LPP: variants seen among roughly 807,000 people sequenced by gnomAD.
The protein encoded by LPP is LIM domain containing preferred translocation partner in lipoma, also known as lipoma-preferred partner.
LPP carries 38 observed loss-of-function variants against 60.4 expected under a neutral mutation model. The ratio of observed to expected loss-of-function variants is 0.63; its 90% CI spans 0.49 to 0.83. The LOEUF (loss-of-function observed/expected upper bound fraction) is 0.83. LPP is among the 40% of genes least tolerant of loss of function. The pLI, the probability that LPP is intolerant of heterozygous loss-of-function variation, is 0.00. For synonymous variants in LPP, 328 were observed against 290.8 expected, an observed-to-expected ratio of 1.13 and a Z score of -1.30; for missense variants, 902 against 783.6, an observed-to-expected ratio of 1.15 and a Z score of -1.80.
At chr3:188,536,195 G>A (rs1823567357) in intron 6 of LPP, among the ~76,000 whole-genome samples, 1 of 152,034 alleles carries the variant, frequency 6.6e-6, no homozygotes, top group Non-Finnish European at 1.5e-5. Context: ...TTTTAGTAGA[G>A]ACAGGTTTTC....
intron 7 of LPP, among the ~76,000 whole-genome samples, chr3:188,617,193 C>T (rs926531619): frequency 2.6e-5 from 4 of 152,124 alleles, no homozygotes; most frequent in East Asian, 1.9e-4. Context: ...CCTACGTAAA[C>T]CATCAGACAT....
intron 4 of LPP, among the ~76,000 whole-genome samples, chr3:188,429,142 G>A (rs1486533727): frequency 2.0e-5 from 3 of 152,076 alleles, no homozygotes; most frequent in Non-Finnish European, 2.9e-5. Context: ...AATGTGTAAC[G>A]TATGGTTAAG....
chr3:188,483,451 C>G (rs527590377), intron 4 of LPP, among the ~76,000 whole-genome samples: 1 of 152,280 alleles, frequency 6.6e-6, no homozygotes, highest in Admixed American at 6.5e-5. Context: ...CAAGGAAAGG[C>G]TACTCCTCCA....
At chr3:188,704,383 C>T (rs1865064944) in intron 7 of LPP, among the ~76,000 whole-genome samples, 1 of 152,106 alleles carries the variant, frequency 6.6e-6, no homozygotes, top group Non-Finnish European at 1.5e-5. Context: ...CTGTGAGGTA[C>T]CACTGGCAAG....
intron 2 of LPP, among the ~76,000 whole-genome samples, chr3:188,276,923 G>A (rs1250082192): frequency 2.4e-5 from 2 of 83,178 alleles, no homozygotes; most frequent in Admixed American, 1.5e-4. Context: ...TTTTTTTGGA[G>A]AGACAGGTCT....
chr3:188,713,179 G>A (rs1335732692), intron 8 of LPP, among the ~76,000 whole-genome samples: 1 of 152,188 alleles, frequency 6.6e-6, no homozygotes, highest in Non-Finnish European at 1.5e-5. Flanking sequence ...TAGGAAGTCT[G>A]CAGCATCGTC....
intron 4 of LPP, among the ~76,000 whole-genome samples, chr3:188,466,962 A>G (rs986138840): frequency 2.7e-4 from 40 of 146,000 alleles, no homozygotes; most frequent in African/African-American, 9.8e-4. Context: ...ATCATTGCAA[A>G]AACTCTGCAC....
chr3:188,253,850 A>G (rs942797848), intron 2 of LPP, among the ~76,000 whole-genome samples: 1 of 152,204 alleles, frequency 6.6e-6, no homozygotes, highest in Non-Finnish European at 1.5e-5. Flanking sequence ...ATGGGGCTGC[A>G]TAAATTTTCT....
At chr3:188,539,758 C>G (rs900920196) in intron 6 of LPP, among the ~76,000 whole-genome samples, 1 of 152,100 alleles carries the variant, frequency 6.6e-6, no homozygotes, top group East Asian at 1.9e-4. Context: ...TACTGTTGGT[C>G]TCACCACCAA....
intron 4 of LPP, chr3:188,472,596 A>G (rs1802119859): frequency 6.6e-6 from 1 of 152,212 alleles, no homozygotes; most frequent in Non-Finnish European, 1.5e-5. Context: ...ATTTGTGCAT[A>G]AAAGATGAAT....
chr3:188,844,463 A>G (rs567257973), intron 9 of LPP, among the ~76,000 whole-genome samples: 65 of 152,234 alleles, frequency 4.3e-4, no homozygotes, highest in Admixed American at 9.8e-4. Context: ...AAACTGCTTC[A>G]CTTTACAAAA....
At chr3:188,385,190 C>G (rs954811144) in intron 3 of LPP, among the ~76,000 whole-genome samples, 1 of 152,108 alleles carries the variant, frequency 6.6e-6, no homozygotes, top group Non-Finnish European at 1.5e-5. Context: ...AACCCCTCAC[C>G]TTCCCATAGT....
intron 6 of LPP, among the ~76,000 whole-genome samples, chr3:188,585,259 T>G (rs1837182922): frequency 6.6e-6 from 1 of 152,222 alleles, no homozygotes; most frequent in Non-Finnish European, 1.5e-5. Context: ...ATGCCTTGTT[T>G]TTATAAGAAG....
chr3:188,213,883 A>G (rs1298277344), intron 1 of LPP, among the ~76,000 whole-genome samples: 1 of 151,338 alleles, frequency 6.6e-6, no homozygotes, highest in Non-Finnish European at 1.5e-5. Flanking sequence ...CTGAGCCTCT[A>G]CCACTATTCT....
At position 188,609,030 on chromosome 3, in the gene LPP, CTTAT is replaced by C. The variant is rs1284495878; in HGVS notation, c.430-128_430-125del. On this transcript the variant is annotated intron_variant, in intron 6 of 11. Transcript: ENST00000617246. The surrounding 1 kb of genome is among the most constrained non-coding windows in gnomAD (Gnocchi z 6.9). ...GAACACTTTGAAGGCAAGATTATGCCTTATTTGTGTTCTACATAGTAATAAATAA... is the reference window on the plus strand; with the variant it reads ...GAACACTTTGAAGGCAAGATTATGCCTTGTGTTCTACATAGTAATAAATAA... 3.7e-5 allele frequency: 27 copies of C among 734,156 alleles called. No individual in the cohort carries two copies. Among genetic ancestry groups the C allele is most frequent in the African/African-American group, 1.1e-4 (6 of 55,970 alleles). The allele number at this position is 734,156 out of a possible 1,614,324, so 45.5% of individuals were successfully genotyped here. A position where few individuals can be genotyped will look rare whatever the true frequency, so the allele number is the denominator to read the frequency against.
At chr3:188,789,132 A>G (rs954213885) in intron 9 of LPP, among the ~76,000 whole-genome samples, 4 of 151,990 alleles carry the variant, frequency 2.6e-5, no homozygotes, top group African/African-American at 9.7e-5. Context: ...TTTTTAATTA[A>G]GGTATGTACA....
chr3:188,766,872 A>C lies in LPP; in HGVS notation c.1410+6590A>C, dbSNP rs145464297. On this transcript the variant is annotated intron_variant, in intron 9 of 11. Coordinates refer to ENST00000617246, the MANE Select transcript of LPP (RefSeq NM_001375462.1). ...TTTACCTGTGGGTATGGAAGGATGT[A>C]TACAAATGTAACCACACATCTGTAT... Among the ~76,000 whole-genome samples the C allele has an allele frequency of 4.1e-3, 631 of 152,332 alleles. 4 individuals are homozygous for C. The highest frequency in any genetic ancestry group is 0.014 in the African/African-American group (592 of 41,574).
rs57026715 is a variant in LPP at position 188,603,023 on chromosome 3, A to AAATAATAATAATAAT, written c.430-6110_430-6096dup. Reference sequence around the variant, plus strand: ...GTTTTATTTCTCTTCCTTGTGTTTGAAATAATAATAATAATAATAATAATA... The same window carrying AAATAATAATAATAAT: ...GTTTTATTTCTCTTCCTTGTGTTTGAAATAATAATAATAATAATAATAATAATAATAATAATAATA... On this transcript the variant is annotated intron_variant, in intron 6 of 11. Coordinates refer to ENST00000617246, the MANE Select transcript of LPP (RefSeq NM_001375462.1). 2.4e-4 allele frequency among the ~76,000 whole-genome samples: 35 copies of AAATAATAATAATAAT among 146,620 alleles called. 1 individual carries two copies. The highest frequency in any genetic ancestry group is 3.6e-3 in the Middle Eastern group (1 of 280).
intron 5 of LPP, among the ~76,000 whole-genome samples, chr3:188,522,330 C>G (rs931199416): frequency 6.6e-6 from 1 of 152,160 alleles, no homozygotes; most frequent in African/African-American, 2.4e-5. Flanking sequence ...CACATAGTTA[C>G]CAGTGTGAGC....
Sources: allele counts gnomAD v4.1 joint callset (sites outside exome capture counted in the v4.1 genomes callset), GRCh38; gene constraint gnomAD v4.1.1; non-coding constraint Gnocchi (gnomAD v3.1); transcripts MANE v1.5; gene names NCBI Gene and HGNC (gene_info 2026-07-23, HGNC 2026-07-21).